The following ADCY7 variants were observed in gnomAD, a reference collection of about 807,000 sequenced individuals.
The protein encoded by ADCY7 is adenylate cyclase type 7.
ADCY7 carries 72 observed loss-of-function variants against 120.6 expected under a neutral mutation model. The observed-to-expected ratio is 0.60, with a 90% CI of 0.49 to 0.73. The LOEUF is 0.73. Among genes scored for constraint, ADCY7 ranks in the 30% least tolerant of loss-of-function variants. ADCY7 has a pLI of 0.00. For missense variants in ADCY7, 1,227 were observed against 1,486.0 expected (o/e 0.83, Z 2.87); for synonymous variants, 661 against 628.0 (o/e 1.05, Z -0.78).
At chr16:50,270,968 G>T (rs113127149) in intron 1 of ADCY7, among the ~76,000 whole-genome samples, 1 of 152,156 alleles carries the variant, frequency 6.6e-6, no homozygotes, top group African/African-American at 2.4e-5. Context: ...GTGTCACCCG[G>T]CTTGCCATAG....
intron 10 of ADCY7, 125 bp from the exon 11 acceptor site, chr16:50,304,235 C>A: frequency 1.0e-6 from 1 of 994,432 alleles, no homozygotes; most frequent in Non-Finnish European, 1.3e-6. Flanking sequence ...AACTTCTTTG[C>A]TGTTTATTTT....
At chr16:50,309,682 A>C (rs781203793) in intron 18 of ADCY7, 36 bp downstream of exon 18, 2 of 1,571,652 alleles carry the variant, frequency 1.3e-6, no homozygotes, top group East Asian at 4.5e-5. Context: ...GGCCTCATTC[A>C]GAGTGGGGCT....
intron 1 of ADCY7, among the ~76,000 whole-genome samples, chr16:50,270,293 C>T (rs2033479121): frequency 6.6e-6 from 1 of 152,216 alleles, no homozygotes; most frequent in Admixed American, 6.5e-5. Context: ...AATGAGACCA[C>T]ATCTGAACAC....
At position 50,304,561 on chromosome 16, in the gene ADCY7, C is replaced by T; in HGVS notation, c.1560+10C>T. ...CGGGCGGAGGCCTAAGGTAGGTCCC[C>T]CTCCCACCCAGAAAGCCAGGGATTG... On this transcript the variant is annotated intron_variant, in intron 11 of 25. Coordinates refer to ENST00000673801, the MANE Select transcript of ADCY7 (RefSeq NM_001114.5). 2 of 1,523,612 alleles carry T rather than the reference C, an allele frequency of 1.3e-6. No homozygotes were observed. Among genetic ancestry groups the T allele is most frequent in the Non-Finnish European group, 1.8e-6 (2 of 1,134,334 alleles). The allele number at this position is 1,523,612 out of a possible 1,614,324, so 94.4% of individuals were successfully genotyped here.
chr16:50,309,672 G>A (rs751459355), intron 18 of ADCY7, 26 bp downstream of exon 18: 2 of 1,595,206 alleles, frequency 1.3e-6, no homozygotes, highest in Non-Finnish European at 1.7e-6. Flanking sequence ...CCGGCTCCGT[G>A]GCCTCATTCA....
intron 13 of ADCY7, 32 bp from the exon 14 acceptor site, chr16:50,305,745 C>T (rs752111847): frequency 6.3e-7 from 1 of 1,592,658 alleles, no homozygotes; most frequent in Admixed American, 1.7e-5. Flanking sequence ...CCTTCCCAGC[C>T]CCCATCTCAC....
chr16:50,245,890 G>A (rs904842041), upstream of ADCY7, among the ~76,000 whole-genome samples: 1 of 148,914 alleles, frequency 6.7e-6, no homozygotes, highest in Non-Finnish European at 1.5e-5. Flanking sequence ...CCTTCCTGCG[G>A]CGCCCCGAGC....
intron 1 of ADCY7, among the ~76,000 whole-genome samples, chr16:50,253,740 C>T (rs116183886): frequency 0.016 from 2,408 of 151,894 alleles, 66 homozygotes; most frequent in African/African-American, 0.055. Context: ...GTTCTAATGA[C>T]GCCGCCCAGG....
chr16:50,247,475 C>A (rs1038959733), intron 1 of ADCY7, among the ~76,000 whole-genome samples: 55 of 152,092 alleles, frequency 3.6e-4, no homozygotes, highest in African/African-American at 1.3e-3. Context: ...GATCCTCCCA[C>A]CTCAGCCTCC....
rs556518336 is a variant in ADCY7, at chr16:50,318,108, A to G, written c.*2603A>G. 4.6e-5 allele frequency: 7 copies of G among 152,430 alleles called. No individual in the cohort carries two copies. Among genetic ancestry groups the G allele is most frequent in the Admixed American group, 3.3e-4 (5 of 15,308 alleles). 9.4% of individuals were successfully genotyped at this position (152,430 alleles called of 1,614,324 possible). ...ACCAGTGTTTAGCTGCTTTTTATAC[A>G]TTAAATTAGCAATTTGAAAAACTCA... On this transcript the variant is annotated 3_prime_UTR_variant, in exon 26 of 26. Transcript: ENST00000673801.
At chr16:50,276,361 G>C (rs1429948155) in intron 1 of ADCY7, among the ~76,000 whole-genome samples, 1 of 152,220 alleles carries the variant, frequency 6.6e-6, no homozygotes, top group East Asian at 1.9e-4. Flanking sequence ...GGTGGGGACA[G>C]GTGCCGGGCC....
At chr16:50,308,005 A>AC (rs1361369597) in intron 15 of ADCY7, among the ~76,000 whole-genome samples, 6 of 151,992 alleles carry the variant, frequency 3.9e-5, no homozygotes, top group Admixed American at 2.0e-4. Flanking sequence ...CAAAAAAAAA[A>AC]AAAAAAAAAA....
rs1352372914 is a variant in ADCY7 at position 50,297,166 on chromosome 16, A to C, written c.949-1738A>C. Among the ~76,000 whole-genome samples, 2 of 152,228 alleles carry C rather than the reference A, an allele frequency of 1.3e-5. No individual in the cohort carries two copies. The highest frequency in any genetic ancestry group is 2.9e-5 in the Non-Finnish European group (2 of 68,034). On this transcript the variant is annotated intron_variant, in intron 7 of 25. Coordinates refer to ENST00000673801, the MANE Select transcript of ADCY7 (RefSeq NM_001114.5). The surrounding 1 kb of genome is among the most constrained non-coding windows in gnomAD (Gnocchi z 4.4). ...GCCAGCTTCCCAGTCAGAGCATCTAATCTCTGGGCAGAGTTGGGCAGGGCT... is the reference window on the plus strand; with the variant it reads ...GCCAGCTTCCCAGTCAGAGCATCTACTCTCTGGGCAGAGTTGGGCAGGGCT...
At chr16:50,257,072 C>T (rs1314109270) in intron 1 of ADCY7, among the ~76,000 whole-genome samples, 1 of 152,116 alleles carries the variant, frequency 6.6e-6, no homozygotes, top group Non-Finnish European at 1.5e-5. Context: ...CACGATCTCA[C>T]TTATGTGTGG....
At position 50,314,059 on chromosome 16, in the gene ADCY7, C is replaced by A. The variant is rs201645558; in HGVS notation, c.2853C>A (p.Asn951Lys). ...TCAGCGTCGCCTCAGGGCACGAGAA[C>A]CAGGTACTCAAGCCCAAGAGGTGAA... is the stretch of plus-strand genomic sequence containing the variant. ...AGLSVASGHE[N>K]QELERQHAHI... The change falls in exon 23 of 26, where the codon AAC becomes AAA. Residue 951 changes from asparagine (N) to lysine (K), a missense_variant. This residue lies in a region of ADCY7 where 244 missense variants were observed against 332.8 expected (regional missense o/e 0.73). Coordinates refer to ENST00000673801, the MANE Select transcript of ADCY7 (RefSeq NM_001114.5). 28 of 1,613,536 alleles carry A rather than the reference C, an allele frequency of 1.7e-5. No homozygotes were observed. The highest frequency in any genetic ancestry group is 2.2e-5 in the Non-Finnish European group (26 of 1,179,586).
In ADCY7 at chr16:50,313,614, T is replaced by C. The variant is rs145742155; in HGVS notation, c.2752-344T>C. ...GCTTCATTTCCAACTAAGCCCACGC[T>C]ATCAACCAAGCCAAACAGAGGAAAT... is the stretch of plus-strand genomic sequence containing the variant. On this transcript the variant is annotated intron_variant, in intron 22 of 25. Coordinates refer to ENST00000673801, the MANE Select transcript of ADCY7 (RefSeq NM_001114.5). 1.5e-3 allele frequency: 400 copies of C among 270,230 alleles called. 1 individual carries two copies. Among genetic ancestry groups the C allele is most frequent in the Middle Eastern group, 5.5e-3 (5 of 908 alleles). The allele number at this position is 270,230 out of a possible 1,614,324, so 16.7% of individuals were successfully genotyped here.
chr16:50,298,251 G>C (rs2035486609), intron 7 of ADCY7, among the ~76,000 whole-genome samples: 1 of 152,100 alleles, frequency 6.6e-6, no homozygotes, highest in African/African-American at 2.4e-5. Context: ...CACTCCTGCA[G>C]CCTCCTGGCT....
chr16:50,281,968 C>T (rs891707379), intron 1 of ADCY7, among the ~76,000 whole-genome samples: 12 of 152,190 alleles, frequency 7.9e-5, no homozygotes, highest in Non-Finnish European at 2.9e-5. Flanking sequence ...GGGCGCGAGA[C>T]GGAGCATGCA....
intron 2 of ADCY7, among the ~76,000 whole-genome samples, chr16:50,289,965 G>T (rs2150955188): frequency 6.6e-6 from 1 of 152,318 alleles, no homozygotes; most frequent in East Asian, 1.9e-4. Flanking sequence ...GGACCTCCCG[G>T]ATGCTGTGCC....
Sources: allele counts gnomAD v4.1 joint callset (sites outside exome capture counted in the v4.1 genomes callset), GRCh38; gene constraint gnomAD v4.1.1; regional missense constraint gnomAD v4.1.1; non-coding constraint Gnocchi (gnomAD v3.1); transcripts MANE v1.5; gene names NCBI Gene and HGNC (gene_info 2026-07-23, HGNC 2026-07-21).